The following ANO10 variants were observed in gnomAD, a reference collection of about 807,000 sequenced individuals.
ANO10 encodes the protein anoctamin-10.
In ANO10, 77 loss-of-function variants were observed where a neutral mutation model predicts 74.7. That is an observed-to-expected ratio of 1.03 (90% CI 0.86 to 1.25). The LOEUF (loss-of-function observed/expected upper bound fraction) is 1.25, where lower values mean the gene tolerates loss of function less well. Ranked by LOEUF, ANO10 falls within the 50% of genes most tolerant of loss-of-function variation. The probability of loss-of-function intolerance (pLI) is 0.00; values close to 1 mark genes in which losing one functional copy is unlikely to be tolerated. For missense variants in ANO10, 721 were observed against 778.1 expected (o/e 0.93, Z 0.87); for synonymous variants, 279 against 284.9 (o/e 0.98, Z 0.21).
chr3:43,474,309 T>C (rs891905012), intron 11 of ANO10, among the ~76,000 whole-genome samples: 2 of 151,292 alleles, frequency 1.3e-5, no homozygotes, highest in African/African-American at 4.9e-5. Context: ...TCAGGATTGA[T>C]TATCAAAACT....
intron 1 of ANO10, among the ~76,000 whole-genome samples, chr3:43,687,409 T>C (rs1474270048): frequency 6.6e-6 from 1 of 152,194 alleles, no homozygotes; most frequent in Non-Finnish European, 1.5e-5. Flanking sequence ...ATGGTTGTGG[T>C]ATTGCTCAGC....
intron 11 of ANO10, among the ~76,000 whole-genome samples, chr3:43,522,812 C>G (rs1482387554): frequency 6.6e-6 from 1 of 152,198 alleles, no homozygotes; most frequent in Non-Finnish European, 1.5e-5. Flanking sequence ...CCAGGCTGCA[C>G]ACAGGCACAA....
At position 43,523,451 on chromosome 3, in the gene ANO10, G is replaced by C. The variant is rs371975817; in HGVS notation, c.1797+26269C>G. On this transcript the variant is annotated intron_variant, in intron 11 of 12. Transcript: ENST00000292246. ...CATTTTAGCAGCAGAATGGATTAGA[G>C]AGCACCAAGACTGGGGAGCCTGGAT... Among the ~76,000 whole-genome samples, 10 of 152,314 alleles carry C rather than the reference G, an allele frequency of 6.6e-5. No homozygotes were observed. In the East Asian group the frequency reaches 1.3e-3, roughly 21 times the overall value.
intron 7 of ANO10, among the ~76,000 whole-genome samples, chr3:43,567,685 A>G (rs2080445101): frequency 1.3e-5 from 2 of 152,186 alleles, no homozygotes; most frequent in Non-Finnish European, 2.9e-5. Flanking sequence ...TGAAGGAAGC[A>G]CTAAACATGG....
chr3:43,585,130 CA>C (rs1319818396), intron 4 of ANO10, among the ~76,000 whole-genome samples: 1 of 151,458 alleles, frequency 6.6e-6, no homozygotes, highest in Non-Finnish European at 1.5e-5. Context: ...TTTCTTCAAC[CA>C]AGTATTATAA....
intron 7 of ANO10, among the ~76,000 whole-genome samples, chr3:43,568,638 G>A (rs1318780516): frequency 1.0e-4 from 15 of 149,862 alleles, no homozygotes; most frequent in Non-Finnish European, 1.8e-4. Context: ...TGAAACCAAC[G>A]AGAACAAAGA....
At position 43,577,077 on chromosome 3, in the gene ANO10, T is replaced by C. The variant is rs1331164481; in HGVS notation, c.777A>G (p.Glu259=). 8 of 1,614,166 alleles carry C rather than the reference T, an allele frequency of 5.0e-6. No homozygotes were observed. In the East Asian group the frequency reaches 1.3e-4, roughly 27 times the overall value. Residue 259 remains glutamate (E), a synonymous_variant, in exon 6 of 13, where the codon GAA becomes GAG. Coordinates refer to ENST00000292246, the MANE Select transcript of ANO10 (RefSeq NM_018075.5). ...TGTTGGCACAGCCACGCTTCCACAG[T>C]TCCAGAATCACCGTGGACCAGATGA... The part of the protein sequence containing the change: ...FNLIWSTVIL[E]LWKRGCANMT...
intron 11 of ANO10, among the ~76,000 whole-genome samples, chr3:43,489,296 T>A (rs1248233639): frequency 6.6e-6 from 1 of 151,814 alleles, no homozygotes; most frequent in Non-Finnish European, 1.5e-5. Flanking sequence ...AATGTGCACA[T>A]GTACCCTAAA....
At chr3:43,677,435 T>C (rs531102475) in intron 1 of ANO10, among the ~76,000 whole-genome samples, 6 of 152,318 alleles carry the variant, frequency 3.9e-5, no homozygotes, top group South Asian at 2.1e-4. Context: ...ATTTAGTAGA[T>C]GAAATAGTGG....
rs761404415 is a variant in ANO10 at position 43,561,312 on chromosome 3, G to A, written c.1384C>T (p.Arg462Trp). 37 of 1,613,900 alleles carry A rather than the reference G, an allele frequency of 2.3e-5. No homozygotes were observed. In the South Asian group the frequency reaches 2.5e-4, roughly 11 times the overall value. The change falls in exon 9 of 13, where the codon CGG (arginine) becomes TGG (tryptophan). Residue 462 changes from arginine (R) to tryptophan (W), a missense_variant. Coordinates refer to ENST00000292246, the MANE Select transcript of ANO10 (RefSeq NM_018075.5). ...PYWLQRKHGV[R>W]VKRKVQALKA... ...AAAGCCTGCACCTTCCTCTTCACCC[G>A]CACACCATGCTTCCTTTGGAGCCAA...
At position 43,444,181 on chromosome 3, in the gene ANO10, GGGGTTGTCATTTGTCCCTA is replaced by G. The variant is rs533467016; in HGVS notation, c.1798-11473_1798-11455del. ...TTGTAGTTGAGGGACACTGAATGAT[GGGGTTGTCATTTGTCCCTA>G]GGGTGAGAAAGCTGGCTTTCAAGGC... On this transcript the variant is annotated intron_variant, in intron 11 of 12. Coordinates refer to ENST00000292246, the MANE Select transcript of ANO10 (RefSeq NM_018075.5). Among the ~76,000 whole-genome samples the G allele has an allele frequency of 3.7e-4, 57 of 152,284 alleles. 1 individual carries two copies. The East Asian group carries it at 0.011, about 28-fold the overall frequency.
chr3:43,416,524 C>G (rs2092741579), intron 12 of ANO10, among the ~76,000 whole-genome samples: 1 of 152,168 alleles, frequency 6.6e-6, no homozygotes, highest in African/African-American at 2.4e-5. Context: ...AAACAGAATT[C>G]TGAAAGGAAA....
chr3:43,504,240 C>G (rs1161014019), intron 11 of ANO10, among the ~76,000 whole-genome samples: 2 of 151,664 alleles, frequency 1.3e-5, no homozygotes, highest in African/African-American at 2.4e-5. Flanking sequence ...TGCACTCCAG[C>G]CCAGGCGACA....
chr3:43,536,383 C>T (rs1195862397), intron 11 of ANO10, among the ~76,000 whole-genome samples: 1 of 152,140 alleles, frequency 6.6e-6, no homozygotes, highest in Non-Finnish European at 1.5e-5. Flanking sequence ...GCCCTCAAAA[C>T]GGTTAGCAGC....
chr3:43,573,509 A>G (rs747346791), intron 7 of ANO10, among the ~76,000 whole-genome samples: 1 of 152,204 alleles, frequency 6.6e-6, no homozygotes, highest in Non-Finnish European at 1.5e-5. Context: ...GAGGGCCTGC[A>G]TCCTTCTCTT....
At chr3:43,465,482 T>C (rs564973772) in intron 11 of ANO10, among the ~76,000 whole-genome samples, 112 of 152,266 alleles carry the variant, frequency 7.4e-4, no homozygotes, top group Non-Finnish European at 1.1e-3. Context: ...TGTGAAACCC[T>C]GTCTCTACTA....
Position 43,577,175 on chromosome 3 carries a change from C to T in ANO10, c.679G>A (p.Val227Ile). 6.2e-7 allele frequency: 1 copy of T among 1,614,180 alleles called. No individual in the cohort carries two copies. The highest frequency in any genetic ancestry group is 8.5e-7 in the Non-Finnish European group (1 of 1,180,020). ...YFTFALIPMA[V>I]IGLPYYLFVW... ...AACAAGTAGTAAGGTAACCCAATGACAGCCATGGGGATTAATGCAAAAGTG... is the reference window on the plus strand; with the variant it reads ...AACAAGTAGTAAGGTAACCCAATGATAGCCATGGGGATTAATGCAAAAGTG... Residue 227 changes from valine to isoleucine, a missense_variant, in exon 6 of 13, where the codon GTC (valine) becomes ATC (isoleucine). Coordinates refer to ENST00000292246, the MANE Select transcript of ANO10 (RefSeq NM_018075.5).
chr3:43,414,687 G>A (rs1226965005), intron 12 of ANO10, among the ~76,000 whole-genome samples: 1 of 152,164 alleles, frequency 6.6e-6, no homozygotes, highest in African/African-American at 2.4e-5. Flanking sequence ...CTTCTTGCCA[G>A]AAAGCACGTA....
In ANO10 at chr3:43,460,466, G is replaced by A. The variant is rs146796821; in HGVS notation, c.1798-27739C>T. Among the ~76,000 whole-genome samples the A allele has an allele frequency of 2.0e-5, 3 of 152,290 alleles. No homozygotes were observed. The East Asian group carries it at 5.8e-4, about 29-fold the overall frequency. On this transcript the variant is annotated intron_variant, in intron 11 of 12. Coordinates refer to ENST00000292246, the MANE Select transcript of ANO10 (RefSeq NM_018075.5). ...TGGGGTGGAAGGTAGGAGGACTAAGGGAGCTCAAAACACCTTCCACATTCT... is the reference window on the plus strand; with the variant it reads ...TGGGGTGGAAGGTAGGAGGACTAAGAGAGCTCAAAACACCTTCCACATTCT...
Sources: allele counts gnomAD v4.1 joint callset (sites outside exome capture counted in the v4.1 genomes callset), GRCh38; gene constraint gnomAD v4.1.1; transcripts MANE v1.5; gene names NCBI Gene and HGNC (gene_info 2026-07-23, HGNC 2026-07-21).